The following CPNE4 variants were observed in gnomAD, a reference collection of about 807,000 sequenced individuals.
The protein encoded by CPNE4 is copine 4.
A neutral mutation model predicts 67.9 loss-of-function variants in CPNE4; 25 were observed. The observed-to-expected ratio is 0.37, with a 90% CI of 0.27 to 0.51. CPNE4 has a LOEUF of 0.51. CPNE4 is among the 20% of genes least tolerant of loss of function. CPNE4 has a pLI of 0.93. For synonymous variants in CPNE4, 242 were observed against 244.9 expected (o/e 0.99, Z 0.11); for missense variants, 464 against 690.8 (o/e 0.67, Z 3.68).
At chr3:131,877,247 A>G (rs4516649) in intron 2 of CPNE4, among the ~76,000 whole-genome samples, 96,153 of 151,924 alleles carry the variant, frequency 0.63, 30,656 homozygotes, top group Admixed American at 0.72. Flanking sequence ...TGCCCGTTAC[A>G]ATTTTTCCTG....
intron 1 of CPNE4, among the ~76,000 whole-genome samples, chr3:132,009,753 C>G (rs1207788750): frequency 6.6e-6 from 1 of 152,226 alleles, no homozygotes; most frequent in Non-Finnish European, 1.5e-5. Context: ...AAGTAACTCT[C>G]ACTTAATCAG....
intron 2 of CPNE4, among the ~76,000 whole-genome samples, chr3:131,829,552 C>T (rs1169487997): frequency 2.0e-5 from 3 of 152,138 alleles, no homozygotes; most frequent in Non-Finnish European, 4.4e-5. Context: ...TGTGCCTCTG[C>T]TGAATCACCC....
chr3:131,830,071 G>A (rs1212620293), intron 2 of CPNE4, among the ~76,000 whole-genome samples: 3 of 152,094 alleles, frequency 2.0e-5, no homozygotes, highest in Non-Finnish European at 1.5e-5. Flanking sequence ...ACCTTTTTGA[G>A]CTTAGAAGAT....
chr3:131,719,133 A>G (rs575716868), intron 3 of CPNE4, among the ~76,000 whole-genome samples: 1 of 152,304 alleles, frequency 6.6e-6, no homozygotes, highest in South Asian at 2.1e-4. Context: ...TGGTTTAGAG[A>G]TACACTGAAC....
chr3:131,779,117 T>C (rs909517699), intron 2 of CPNE4, among the ~76,000 whole-genome samples: 1 of 151,980 alleles, frequency 6.6e-6, no homozygotes, highest in Non-Finnish European at 1.5e-5. Flanking sequence ...TACCTAGGAA[T>C]ACAGCTAACG....
Position 131,835,528 on chromosome 3 carries a change from CA to C in CPNE4, c.180+69735del, listed in dbSNP as rs375236742. 3.7e-3 allele frequency among the ~76,000 whole-genome samples: 531 copies of C among 142,286 alleles called. 5 individuals carry two copies. Among genetic ancestry groups the C allele is most frequent in the South Asian group, 9.6e-3 (43 of 4,470 alleles). The allele number at this position is 142,286 out of a possible 152,430, so 93.3% of individuals were successfully genotyped here. On this transcript the variant is annotated intron_variant, in intron 2 of 15. Transcript: ENST00000429747. ...TGGGCAACAGAGAAAGACTCCATCT[CA>C]AAAAAAAAAAGTCCCAGGAAAAACC...
intron 11 of CPNE4, among the ~76,000 whole-genome samples, chr3:131,557,035 A>C (rs977784235): frequency 6.6e-6 from 1 of 152,086 alleles, no homozygotes; most frequent in Non-Finnish European, 1.5e-5. Flanking sequence ...TCCAAAGCCC[A>C]TACCTTTCTG....
intron 6 of CPNE4, among the ~76,000 whole-genome samples, chr3:131,671,003 G>C (rs1243253448): frequency 6.6e-6 from 1 of 152,136 alleles, no homozygotes; most frequent in Non-Finnish European, 1.5e-5. Flanking sequence ...GGTCAGGCTG[G>C]TCTTGAACTA....
intron 3 of CPNE4, among the ~76,000 whole-genome samples, chr3:131,717,873 C>CT (rs1242754835): frequency 3.9e-5 from 2 of 51,338 alleles, no homozygotes; most frequent in African/African-American, 6.7e-5. Flanking sequence ...TTCTTTCTTT[C>CT]TTTTCTTTCT....
chr3:131,939,644 A>G (rs1298138626), intron 1 of CPNE4, among the ~76,000 whole-genome samples: 2 of 152,142 alleles, frequency 1.3e-5, no homozygotes, highest in Non-Finnish European at 2.9e-5. Context: ...CTCAGTTTGG[A>G]TGATAAGTTA....
At position 131,834,412 on chromosome 3, in the gene CPNE4, CT is replaced by C. The variant is rs572107813; in HGVS notation, c.180+70851del. Among the ~76,000 whole-genome samples the C allele has an allele frequency of 1.4e-4, 22 of 152,182 alleles. No homozygotes were observed. The South Asian group carries it at 4.1e-3, about 29-fold the overall frequency. On this transcript the variant is annotated intron_variant, in intron 2 of 15. Transcript: ENST00000429747. ...GTCACCTTTTATAAGAGAAGTTAGA[CT>C]TTATTTTCTTATTTAAATTTCAATA...
intron 1 of CPNE4, among the ~76,000 whole-genome samples, chr3:132,007,636 TC>T (rs1333450894): frequency 7.2e-5 from 11 of 152,088 alleles, no homozygotes; most frequent in Non-Finnish European, 1.6e-4. Context: ...TTTTTTTTTT[TC>T]ATTCAACAGT....
At chr3:131,567,118 G>A (rs1028313039) in intron 10 of CPNE4, among the ~76,000 whole-genome samples, 11 of 151,966 alleles carry the variant, frequency 7.2e-5, no homozygotes, top group African/African-American at 2.7e-4. Flanking sequence ...TTGTCTGACT[G>A]AAACTCCTGA....
At chr3:132,034,084 G>T (rs1051708503) in intron 1 of CPNE4, among the ~76,000 whole-genome samples, 1 of 152,198 alleles carries the variant, frequency 6.6e-6, no homozygotes, top group South Asian at 2.1e-4. Context: ...GTGTGGGGGA[G>T]GAGGTTGAGA....
chr3:131,922,862 C>T (rs1261043665), intron 1 of CPNE4, among the ~76,000 whole-genome samples: 9 of 152,116 alleles, frequency 5.9e-5, no homozygotes. Context: ...GTCTCCTGTC[C>T]TGTGGTCTAG....
chr3:131,738,199 C>G (rs1460957909), intron 2 of CPNE4, among the ~76,000 whole-genome samples: 2 of 152,238 alleles, frequency 1.3e-5, no homozygotes, highest in Non-Finnish European at 2.9e-5. Flanking sequence ...CCTGCCCCAG[C>G]TCAAAGAAAG....
chr3:131,915,276 C>A (rs1017578733), intron 1 of CPNE4, among the ~76,000 whole-genome samples: 3 of 152,156 alleles, frequency 2.0e-5, no homozygotes, highest in African/African-American at 7.2e-5. Flanking sequence ...CAAACTTCAA[C>A]CCTATTCCAA....
intron 1 of CPNE4, among the ~76,000 whole-genome samples, chr3:132,023,765 G>A (rs1019076550): frequency 5.3e-5 from 8 of 152,100 alleles, no homozygotes; most frequent in African/African-American, 1.9e-4. Context: ...GGGATTACAG[G>A]CGTGAGCCAC....
At chr3:131,714,460 T>G (rs1302074190) in intron 3 of CPNE4, among the ~76,000 whole-genome samples, 1 of 152,230 alleles carries the variant, frequency 6.6e-6, no homozygotes, top group Non-Finnish European at 1.5e-5. Flanking sequence ...CTTTTTGTAG[T>G]GTAAACTTTA....
Sources: gnomAD v4.1 joint callset for allele counts (sites outside exome capture counted in the v4.1 genomes callset) on GRCh38, gnomAD v4.1.1 for gene constraint, MANE v1.5 for transcripts, NCBI Gene and HGNC (gene_info 2026-07-23, HGNC 2026-07-21) for gene names.